Variants in IL15 observed in about 807,000 individuals in gnomAD.
IL15 encodes interleukin 15.
IL15 carries 11 observed loss-of-function variants against 19.6 expected under a neutral mutation model. The observed-to-expected ratio is 0.56, with a 90% CI of 0.35 to 0.93. The LOEUF (loss-of-function observed/expected upper bound fraction) is 0.93. Among genes scored for constraint, IL15 ranks in the 40% least tolerant of loss-of-function variants. IL15 has a pLI of 0.01. For missense variants in IL15, 197 were observed against 186.5 expected, an observed-to-expected ratio of 1.06 and a Z score of -0.33; for synonymous variants, 58 against 59.6, an observed-to-expected ratio of 0.97 and a Z score of 0.12.
intron 1 of IL15, among the ~76,000 whole-genome samples, chr4:141,647,159 C>T (rs1219107078): frequency 2.0e-5 from 3 of 151,966 alleles, no homozygotes; most frequent in Non-Finnish European, 4.4e-5. Flanking sequence ...TGGGGACTTT[C>T]CTAAATACTT....
intron 2 of IL15, among the ~76,000 whole-genome samples, chr4:141,683,657 T>C (rs1728615778): frequency 6.6e-6 from 1 of 152,176 alleles, no homozygotes; most frequent in Non-Finnish European, 1.5e-5. Flanking sequence ...TGTGCGAACC[T>C]GGAACAAGTC....
intron 2 of IL15, among the ~76,000 whole-genome samples, chr4:141,663,209 T>G (rs1413383535): frequency 6.6e-6 from 1 of 152,204 alleles, no homozygotes; most frequent in Non-Finnish European, 1.5e-5. Flanking sequence ...ATTGTGGATA[T>G]TTTTTAAAAA....
chr4:141,661,078 T>C (rs1383324626), intron 2 of IL15, among the ~76,000 whole-genome samples: 1 of 152,058 alleles, frequency 6.6e-6, no homozygotes, highest in Non-Finnish European at 1.5e-5. Flanking sequence ...GAGAATGGCA[T>C]TGAAGGGAAT....
At chr4:141,731,288 T>G (rs1243951826) in intron 7 of IL15, among the ~76,000 whole-genome samples, 1 of 152,162 alleles carries the variant, frequency 6.6e-6, no homozygotes, top group Non-Finnish European at 1.5e-5. Context: ...TATGATATAT[T>G]TTATGTAATG....
chr4:141,646,634 C>T (rs1727236147), intron 1 of IL15, among the ~76,000 whole-genome samples: 1 of 152,064 alleles, frequency 6.6e-6, no homozygotes, highest in African/African-American at 2.4e-5. Flanking sequence ...ATGTAACGAC[C>T]AAGCTTATTC....
intron 2 of IL15, among the ~76,000 whole-genome samples, chr4:141,674,736 A>G (rs190608077): frequency 1.3e-5 from 2 of 152,354 alleles, no homozygotes; most frequent in Admixed American, 6.5e-5. Context: ...TATGTATGCA[A>G]TGTGCCTCCT....
At chr4:141,719,517 C>A in intron 3 of IL15, 41 bp downstream of exon 3, 2 of 1,350,320 alleles carry the variant, frequency 1.5e-6, no homozygotes, top group South Asian at 1.3e-5. Context: ...TGGAATTTCC[C>A]TTAAAGGTCG....
chr4:141,668,642 G>A (rs547064666), intron 2 of IL15, among the ~76,000 whole-genome samples: 3 of 152,120 alleles, frequency 2.0e-5, no homozygotes, highest in Non-Finnish European at 2.9e-5. Context: ...AGCTCACATA[G>A]GTCTTCCTCT....
intron 2 of IL15, among the ~76,000 whole-genome samples, chr4:141,684,449 C>T (rs150483472): frequency 6.6e-6 from 1 of 152,156 alleles, no homozygotes; most frequent in Non-Finnish European, 1.5e-5. Context: ...GCATCACTGT[C>T]TAAGAATCTA....
At chr4:141,709,796 G>T (rs1044773113) in intron 2 of IL15, among the ~76,000 whole-genome samples, 1 of 151,976 alleles carries the variant, frequency 6.6e-6, no homozygotes, top group African/African-American at 2.4e-5. Flanking sequence ...TAGGTTCAGG[G>T]TGTATATGTG....
chr4:141,638,419 T>C (rs1386108223), intron 1 of IL15, among the ~76,000 whole-genome samples: 1 of 152,200 alleles, frequency 6.6e-6, no homozygotes, highest in Non-Finnish European at 1.5e-5. Context: ...AAGGGTCAGT[T>C]GACCATTGGT....
At chr4:141,659,054 G>A (rs1253179305) in intron 2 of IL15, among the ~76,000 whole-genome samples, 1 of 151,664 alleles carries the variant, frequency 6.6e-6, no homozygotes, top group African/African-American at 2.4e-5. Context: ...GTAGAGACGG[G>A]GTTTCACCAT....
chr4:141,639,954 T>C (rs1442584259), intron 1 of IL15, among the ~76,000 whole-genome samples: 1 of 152,022 alleles, frequency 6.6e-6, no homozygotes, highest in East Asian at 1.9e-4. Flanking sequence ...ACTATATGTC[T>C]ATATGTGTGC....
chr4:141,733,344 A>G lies in IL15; in HGVS notation c.*496A>G, dbSNP rs978683586. On this transcript the variant is annotated 3_prime_UTR_variant, in exon 8 of 8. Coordinates refer to ENST00000320650, the MANE Select transcript of IL15 (RefSeq NM_000585.5). ...ACTAAGCATAGCAAACAGAGGAAGA[A>G]TTTGTTATCAGTAAGAAAAAGAAGA... The G allele has an allele frequency of 1.3e-5, 2 of 152,540 alleles. No homozygotes were observed. The highest frequency in any genetic ancestry group is 4.8e-5 in the African/African-American group (2 of 41,468). The allele number at this position is 152,540 out of a possible 1,614,324, so 9.4% of individuals were successfully genotyped here.
chr4:141,731,850 A>C (rs902807668), intron 7 of IL15, among the ~76,000 whole-genome samples: 22 of 152,220 alleles, frequency 1.4e-4, no homozygotes, highest in Admixed American at 1.2e-3. Context: ...TTCATGGTTC[A>C]GATGATCTCT....
chr4:141,730,001 T>C lies in IL15; in HGVS notation c.378+17T>C, dbSNP rs745977913. The C allele has an allele frequency of 2.5e-6, 4 of 1,595,678 alleles. No individual in the cohort carries two copies. In the South Asian group the frequency reaches 4.4e-5, roughly 18 times the overall value. On this transcript the variant is annotated intron_variant, in intron 7 of 7. Coordinates refer to ENST00000320650, the MANE Select transcript of IL15 (RefSeq NM_000585.5). The stretch of plus-strand genomic sequence containing the variant: ...TCTAATGGGGTGAGTTTTCCAACAG[T>C]TGCTTAGAGTTGCATCTTATGTTTT...
intron 1 of IL15, among the ~76,000 whole-genome samples, chr4:141,648,882 A>C (rs1727315434): frequency 6.6e-6 from 1 of 152,078 alleles, no homozygotes; most frequent in Admixed American, 6.6e-5. Context: ...AGCACACCAA[A>C]AGTTCTAAAC....
At chr4:141,648,720 G>C (rs1727308940) in intron 1 of IL15, among the ~76,000 whole-genome samples, 1 of 152,058 alleles carries the variant, frequency 6.6e-6, no homozygotes, top group Non-Finnish European at 1.5e-5. Context: ...AAACTGGAAA[G>C]ATGTGATTAT....
At chr4:141,726,735 T>C (rs1367147834) in intron 5 of IL15, among the ~76,000 whole-genome samples, 4 of 152,124 alleles carry the variant, frequency 2.6e-5, no homozygotes, top group Non-Finnish European at 4.4e-5. Flanking sequence ...TGTCAGGGAA[T>C]ACTACAGAGC....
Sources: gnomAD v4.1 joint callset for allele counts (sites outside exome capture counted in the v4.1 genomes callset) on GRCh38, gnomAD v4.1.1 for gene constraint, MANE v1.5 for transcripts, NCBI Gene and HGNC (gene_info 2026-07-23, HGNC 2026-07-21) for gene names.